MC2R: variants seen among roughly 807,000 people sequenced by gnomAD.
The protein encoded by MC2R is adrenocorticotropic hormone receptor.
A neutral mutation model predicts 9.8 loss-of-function variants in MC2R; 9 were observed. The ratio of observed to expected loss-of-function variants is 0.92; its 90% CI spans 0.55 to 1.60. MC2R has a LOEUF of 1.60. Among genes scored for constraint, MC2R ranks in the 40% most tolerant of loss-of-function variants. The probability of loss-of-function intolerance (pLI) is 0.00; values close to 1 mark genes in which losing one functional copy is unlikely to be tolerated. For synonymous variants in MC2R, 185 were observed against 154.7 expected (o/e 1.20, Z -1.45); for missense variants, 370 against 389.0 (o/e 0.95, Z 0.41).
chr18:13,896,960 C>T (rs971702587), intron 1 of MC2R, among the ~76,000 whole-genome samples: 10 of 152,180 alleles, frequency 6.6e-5, no homozygotes, highest in Non-Finnish European at 1.3e-4. Context: ...AGAGACAGAA[C>T]AGAATGCCAG....
chr18:13,895,400 G>A, intron 1 of MC2R, among the ~76,000 whole-genome samples: 1 of 152,334 alleles, frequency 6.6e-6, no homozygotes, highest in East Asian at 1.9e-4. Context: ...ACAGGGGGAA[G>A]TGTCAAGTTC....
intron 1 of MC2R, among the ~76,000 whole-genome samples, chr18:13,892,676 T>C (rs1417862475): frequency 6.6e-6 from 1 of 152,090 alleles, no homozygotes; most frequent in Non-Finnish European, 1.5e-5. Context: ...TTTGGCCAAA[T>C]GTCTTGACAC....
At chr18:13,898,223 G>C (rs897622886) in intron 1 of MC2R, among the ~76,000 whole-genome samples, 1 of 152,168 alleles carries the variant, frequency 6.6e-6, no homozygotes, top group Non-Finnish European at 1.5e-5. Context: ...AGGAAACATC[G>C]GTGGTAGGCT....
At position 13,885,006 on chromosome 18, in the gene MC2R, A is replaced by G. The variant is rs1158166353; in HGVS notation, c.513T>C (p.His171=). Residue 171 remains histidine (H), a synonymous_variant, in exon 2 of 2, where the codon CAT becomes CAC. Coordinates refer to ENST00000327606, the MANE Select transcript of MC2R (RefSeq NM_000529.2). The stretch of plus-strand genomic sequence containing the variant: ...ACGTGAAGGTGATCACTGTGGGCAC[A>G]TGATGGGAGAAGATCACCATGGTGA... ...TGITMVIFSH[H]VPTVITFTSL... is the part of the protein sequence containing the mutation. 6.2e-7 allele frequency: 1 copy of G among 1,614,184 alleles called. No individual in the cohort carries two copies. The highest frequency in any genetic ancestry group is 8.5e-7 in the Non-Finnish European group (1 of 1,180,036).
chr18:13,891,090 T>C (rs1004966187), intron 1 of MC2R, among the ~76,000 whole-genome samples: 1 of 152,192 alleles, frequency 6.6e-6, no homozygotes. Flanking sequence ...TTTGGAAAAC[T>C]GGGCTGTCAA....
At chr18:13,886,316 G>A (rs568291914) in intron 1 of MC2R, among the ~76,000 whole-genome samples, 2 of 152,342 alleles carry the variant, frequency 1.3e-5, no homozygotes, top group Non-Finnish European at 1.5e-5. Context: ...ATTTTGAGCC[G>A]AGAGATGATA....
At chr18:13,913,502 C>T (rs924819306) in intron 1 of MC2R, among the ~76,000 whole-genome samples, 1 of 152,222 alleles carries the variant, frequency 6.6e-6, no homozygotes, top group Non-Finnish European at 1.5e-5. Flanking sequence ...CAGCGCTTGG[C>T]ACACGCATAT....
rs150467713 is a variant in MC2R, at chr18:13,894,713, A to T, written c.-128-9067T>A. Among the ~76,000 whole-genome samples the T allele has an allele frequency of 1.2e-3, 179 of 151,138 alleles. 3 individuals carry two copies. In the Middle Eastern group the frequency reaches 0.017, roughly 15 times the overall value. The stretch of plus-strand genomic sequence containing the variant: ...TTTCTAGCATTCTCCTGTGTAGAAC[A>T]CGCATTCCAGCTGGCCCAGGCCTCT... On this transcript the variant is annotated intron_variant, in intron 1 of 1. Coordinates refer to ENST00000327606, the MANE Select transcript of MC2R (RefSeq NM_000529.2).
chr18:13,900,381 G>A (rs1306322245), intron 1 of MC2R, among the ~76,000 whole-genome samples: 3 of 151,902 alleles, frequency 2.0e-5, no homozygotes, highest in African/African-American at 7.2e-5. Context: ...ATAACAAAAT[G>A]GCAGGAGTAA....
chr18:13,905,195 AAAAC>A (rs1208406395), intron 1 of MC2R, among the ~76,000 whole-genome samples: 1 of 152,210 alleles, frequency 6.6e-6, no homozygotes, highest in Non-Finnish European at 1.5e-5. Flanking sequence ...TTACAAGAAA[AAAAC>A]AACCCCACCA....
At chr18:13,888,635 A>C (rs929449389) in intron 1 of MC2R, among the ~76,000 whole-genome samples, 3 of 152,194 alleles carry the variant, frequency 2.0e-5, no homozygotes, top group Non-Finnish European at 2.9e-5. Flanking sequence ...ACTCCAACAC[A>C]AACTGCAATA....
intron 1 of MC2R, among the ~76,000 whole-genome samples, chr18:13,905,853 C>T (rs28888789): frequency 0.012 from 1,868 of 151,344 alleles, 27 homozygotes; most frequent in African/African-American, 0.043. Flanking sequence ...GCCAAGAGAT[C>T]GAGACCATCC....
At chr18:13,887,218 C>T (rs924489908) in intron 1 of MC2R, among the ~76,000 whole-genome samples, 6 of 121,910 alleles carry the variant, frequency 4.9e-5, no homozygotes, top group African/African-American at 1.5e-4. Context: ...GGGGAAGCCT[C>T]GGGGATGGGA....
chr18:13,900,166 CA>C (rs1156478453), intron 1 of MC2R, among the ~76,000 whole-genome samples: 1 of 151,958 alleles, frequency 6.6e-6, no homozygotes, highest in Non-Finnish European at 1.5e-5. Flanking sequence ...TTTGTTTATG[CA>C]AACAATGTTA....
At chr18:13,886,767 C>T (rs1476005667) in intron 1 of MC2R, among the ~76,000 whole-genome samples, 4 of 152,260 alleles carry the variant, frequency 2.6e-5, no homozygotes, top group South Asian at 2.1e-4. Context: ...GCCAGCACCA[C>T]GTGGCGAGGA....
At chr18:13,898,601 C>CCAG (rs550391270) in intron 1 of MC2R, among the ~76,000 whole-genome samples, 149 of 152,320 alleles carry the variant, frequency 9.8e-4, no homozygotes, top group African/African-American at 3.5e-3. Flanking sequence ...TGGGTCTGAC[C>CCAG]CAGCCCAGTC....
chr18:13,900,183 T>C (rs887076888), intron 1 of MC2R, among the ~76,000 whole-genome samples: 10 of 152,144 alleles, frequency 6.6e-5, no homozygotes, highest in Non-Finnish European at 1.3e-4. Flanking sequence ...TGTTAAGTTG[T>C]TATCAGATTA....
chr18:13,910,917 C>A lies in MC2R; in HGVS notation c.-129+4571G>T, dbSNP rs531590242. Among the ~76,000 whole-genome samples, 27 of 152,348 alleles carry A rather than the reference C, an allele frequency of 1.8e-4. No individual in the cohort carries two copies. The South Asian group carries it at 4.1e-3, about 23-fold the overall frequency. On this transcript the variant is annotated intron_variant, in intron 1 of 1. Coordinates refer to ENST00000327606, the MANE Select transcript of MC2R (RefSeq NM_000529.2). ...CCTACAAAACCAACACCAGTCACCA[C>A]CCCATCATGGGTGAAAGCATCATCC...
intron 1 of MC2R, among the ~76,000 whole-genome samples, chr18:13,892,931 A>C (rs957319371): frequency 6.6e-6 from 1 of 152,050 alleles, no homozygotes; most frequent in African/African-American, 2.4e-5. Context: ...GGCTCAAGTG[A>C]TTGTCTCGCC....
Sources: allele counts gnomAD v4.1 joint callset (sites outside exome capture counted in the v4.1 genomes callset), GRCh38; gene constraint gnomAD v4.1.1; transcripts MANE v1.5; gene names NCBI Gene and HGNC (gene_info 2026-07-23, HGNC 2026-07-21).